Variants in GULP1 observed in about 807,000 individuals in gnomAD.
The protein encoded by GULP1 is PTB domain-containing engulfment adapter protein 1.
GULP1 carries 19 observed loss-of-function variants against 40.9 expected under a neutral mutation model. The ratio of observed to expected loss-of-function variants is 0.46; its 90% CI spans 0.32 to 0.68. GULP1 has a LOEUF of 0.68. Ranked by LOEUF, GULP1 falls within the 30% of genes least tolerant of loss-of-function variation. GULP1 has a pLI of 0.03. For synonymous variants in GULP1, 119 were observed against 117.6 expected, an observed-to-expected ratio of 1.01 and a Z score of -0.08; for missense variants, 312 against 362.2, an observed-to-expected ratio of 0.86 and a Z score of 1.12.
intron 2 of GULP1, among the ~76,000 whole-genome samples, chr2:188,448,551 T>C (rs1358428261): frequency 6.6e-6 from 1 of 152,192 alleles, no homozygotes; most frequent in Non-Finnish European, 1.5e-5. Flanking sequence ...GTCTTACCAA[T>C]TGTATGATCT....
chr2:188,569,218 C>T (rs1195048124), intron 7 of GULP1, 21 bp from the exon 8 acceptor site: 3 of 1,202,008 alleles, frequency 2.5e-6, no homozygotes, highest in Middle Eastern at 4.0e-4. Context: ...AAATGCAAAT[C>T]TTTGTTTGAT....
intron 2 of GULP1, among the ~76,000 whole-genome samples, chr2:188,460,516 G>A (rs2059617204): frequency 1.3e-5 from 2 of 150,658 alleles, no homozygotes; most frequent in Middle Eastern, 3.4e-3. Flanking sequence ...TACTGAATTT[G>A]TTTATGAGTT....
At chr2:188,583,875 A>T (rs1317864307) in intron 9 of GULP1, among the ~76,000 whole-genome samples, 1 of 152,218 alleles carries the variant, frequency 6.6e-6, no homozygotes, top group Non-Finnish European at 1.5e-5. Flanking sequence ...ATGTAATCTT[A>T]TGCAGCGTAT....
intron 1 of GULP1, among the ~76,000 whole-genome samples, chr2:188,355,828 A>T (rs2045228138): frequency 6.6e-6 from 1 of 152,112 alleles, no homozygotes; most frequent in African/African-American, 2.4e-5. Context: ...AATAAAAAAG[A>T]TTGTATATGA....
intron 2 of GULP1, among the ~76,000 whole-genome samples, chr2:188,458,885 T>C (rs1241184570): frequency 6.6e-6 from 1 of 152,146 alleles, no homozygotes; most frequent in Non-Finnish European, 1.5e-5. Flanking sequence ...TTCTACTCTC[T>C]ACCTCCATAG....
At chr2:188,553,395 A>G (rs1398731271) in intron 7 of GULP1, among the ~76,000 whole-genome samples, 5 of 152,008 alleles carry the variant, frequency 3.3e-5, no homozygotes, top group African/African-American at 1.2e-4. Flanking sequence ...AACTTTATCA[A>G]ATTCTTTTTC....
chr2:188,367,927 G>A (rs2047014824), intron 1 of GULP1, among the ~76,000 whole-genome samples: 2 of 152,108 alleles, frequency 1.3e-5, no homozygotes, highest in South Asian at 4.1e-4. Flanking sequence ...TAAGGACATG[G>A]TGATGCTCTG....
chr2:188,434,093 T>C, intron 2 of GULP1, among the ~76,000 whole-genome samples: 1 of 152,150 alleles, frequency 6.6e-6, no homozygotes, highest in African/African-American at 2.4e-5. Flanking sequence ...TAAGAAGAGC[T>C]GACTGAATAA....
chr2:188,416,336 C>G (rs988210135), intron 2 of GULP1, among the ~76,000 whole-genome samples: 2 of 152,066 alleles, frequency 1.3e-5, no homozygotes, highest in Non-Finnish European at 2.9e-5. Context: ...GATAGTTACA[C>G]GACTTTGTAA....
intron 7 of GULP1, among the ~76,000 whole-genome samples, chr2:188,547,681 G>A (rs1207727394): frequency 6.6e-6 from 1 of 152,032 alleles, no homozygotes; most frequent in Non-Finnish European, 1.5e-5. Context: ...ATCTCCTTTG[G>A]CAACACCCTC....
intron 4 of GULP1, among the ~76,000 whole-genome samples, chr2:188,510,409 C>T (rs2153195828): frequency 6.6e-6 from 1 of 151,980 alleles, no homozygotes; most frequent in South Asian, 2.1e-4. Flanking sequence ...AGATATATTT[C>T]CTTTTATTGA....
At chr2:188,386,719 G>A (rs907160691) in intron 2 of GULP1, among the ~76,000 whole-genome samples, 8 of 152,120 alleles carry the variant, frequency 5.3e-5, no homozygotes, top group African/African-American at 1.9e-4. Context: ...GAGTTTACCG[G>A]TAGAAGGTAG....
chr2:188,411,122 TC>T lies in GULP1; in HGVS notation c.-45+27234del, dbSNP rs142656196. ...AATAAATGTGAGCTTCACTGGCTGA[TC>T]GGGGCATGGCTGTGACTCTTTACAG... is the stretch of plus-strand genomic sequence containing the variant. On this transcript the variant is annotated intron_variant, in intron 2 of 11. Transcript: ENST00000409830. Among the ~76,000 whole-genome samples, 279 of 151,518 alleles carry T rather than the reference TC, an allele frequency of 1.8e-3. 2 individuals are homozygous for T. Among genetic ancestry groups the T allele is most frequent in the African/African-American group, 6.4e-3 (260 of 40,890 alleles).
In GULP1 at chr2:188,563,584, G is replaced by A. The variant is rs550216415; in HGVS notation, c.400-5655G>A. Among the ~76,000 whole-genome samples the A allele has an allele frequency of 3.5e-4, 52 of 148,348 alleles. 1 individual carries two copies. Among genetic ancestry groups the A allele is most frequent in the African/African-American group, 9.1e-4 (37 of 40,496 alleles). ...TTTTTTATATTTTTAAAAAAGATTCGGAACTAAATATTTGGCCCACATATT... is the reference window on the plus strand; with the variant it reads ...TTTTTTATATTTTTAAAAAAGATTCAGAACTAAATATTTGGCCCACATATT... On this transcript the variant is annotated intron_variant, in intron 7 of 11. Transcript: ENST00000409830.
At chr2:188,321,667 CT>C (rs991246954) in intron 1 of GULP1, among the ~76,000 whole-genome samples, 11 of 149,126 alleles carry the variant, frequency 7.4e-5, no homozygotes, top group African/African-American at 1.5e-4. Context: ...TCTTCTATAT[CT>C]TTTTTTTTTC....
At chr2:188,390,238 A>C (rs2050331615) in intron 2 of GULP1, among the ~76,000 whole-genome samples, 1 of 152,182 alleles carries the variant, frequency 6.6e-6, no homozygotes, top group Non-Finnish European at 1.5e-5. Flanking sequence ...CATTCCCATC[A>C]GCAGTGTATG....
chr2:188,515,951 A>G (rs1482816779), intron 4 of GULP1, among the ~76,000 whole-genome samples: 1 of 152,194 alleles, frequency 6.6e-6, no homozygotes, highest in Non-Finnish European at 1.5e-5. Context: ...TCCAAAATTT[A>G]TAATGAAAAA....
intron 4 of GULP1, among the ~76,000 whole-genome samples, chr2:188,494,313 T>A (rs1475673121): frequency 6.6e-6 from 1 of 152,066 alleles, no homozygotes; most frequent in Non-Finnish European, 1.5e-5. Flanking sequence ...TGTGTATTTC[T>A]CCACATAGCT....
At chr2:188,300,638 G>A (rs2035972995) in intron 1 of GULP1, among the ~76,000 whole-genome samples, 1 of 152,084 alleles carries the variant, frequency 6.6e-6, no homozygotes. Context: ...TGACCATTCT[G>A]TGAGATACAT....
Sources: allele counts gnomAD v4.1 joint callset (sites outside exome capture counted in the v4.1 genomes callset), GRCh38; gene constraint gnomAD v4.1.1; transcripts MANE v1.5; gene names NCBI Gene and HGNC (gene_info 2026-07-23, HGNC 2026-07-21).